The following FHIT variants were observed in gnomAD, a reference collection of about 807,000 sequenced individuals.
FHIT encodes fragile histidine triad diadenosine triphosphatase.
A neutral mutation model predicts 17.9 loss-of-function variants in FHIT; 19 were observed. That is an observed-to-expected ratio of 1.06 (90% CI 0.74 to 1.56). The LOEUF is 1.56. Among genes scored for constraint, FHIT ranks in the 40% most tolerant of loss-of-function variants. The pLI is 0.00. For synonymous variants in FHIT, 81 were observed against 69.7 expected (o/e 1.16, Z -0.81); for missense variants, 248 against 189.2 (o/e 1.31, Z -1.82).
chr3:59,841,273 G>T (rs1334813880), intron 8 of FHIT, among the ~76,000 whole-genome samples: 1 of 152,132 alleles, frequency 6.6e-6, no homozygotes, highest in African/African-American at 2.4e-5. Context: ...ATTGTGGTAG[G>T]CACAGATATG....
intron 3 of FHIT, among the ~76,000 whole-genome samples, chr3:60,952,097 C>T (rs541921108): frequency 1.3e-5 from 2 of 151,326 alleles, no homozygotes. Flanking sequence ...ACCTGGGAGG[C>T]AGAGGTTGGT....
chr3:59,897,772 CTTTTTTT>C (rs11401556), intron 8 of FHIT, among the ~76,000 whole-genome samples: 1 of 144,590 alleles, frequency 6.9e-6, no homozygotes, highest in African/African-American at 2.5e-5. Context: ...CTTTTTTTTT[CTTTTTTT>C]TTTTTGAGAG....
At chr3:60,724,327 G>T (rs1389764396) in intron 4 of FHIT, among the ~76,000 whole-genome samples, 1 of 152,032 alleles carries the variant, frequency 6.6e-6, no homozygotes, top group East Asian at 1.9e-4. Flanking sequence ...TATTTTTATT[G>T]CTGAATAATA....
chr3:61,077,296 T>C (rs2034999790), intron 2 of FHIT, among the ~76,000 whole-genome samples: 1 of 152,102 alleles, frequency 6.6e-6, no homozygotes, highest in Non-Finnish European at 1.5e-5. Flanking sequence ...ACAGGAGCTA[T>C]GGCTCAGGGT....
intron 4 of FHIT, among the ~76,000 whole-genome samples, chr3:60,728,587 C>T (rs557102128): frequency 1.3e-5 from 2 of 151,874 alleles, no homozygotes; most frequent in African/African-American, 2.4e-5. Context: ...TGTTTTGCGT[C>T]GTTTTTTTAA....
chr3:60,374,158 G>T (rs992976803), intron 5 of FHIT, among the ~76,000 whole-genome samples: 2 of 152,024 alleles, frequency 1.3e-5, no homozygotes, highest in Admixed American at 6.5e-5. Context: ...ATTAAGCCAA[G>T]AAATATTTCT....
intron 7 of FHIT, among the ~76,000 whole-genome samples, chr3:59,979,532 G>T (rs1295108320): frequency 6.6e-6 from 1 of 152,044 alleles, no homozygotes; most frequent in Admixed American, 6.6e-5. Context: ...AGAATCCCTT[G>T]GGGACATTTT....
intron 5 of FHIT, among the ~76,000 whole-genome samples, chr3:60,136,454 A>C (rs1699821114): frequency 6.6e-6 from 1 of 152,094 alleles, no homozygotes; most frequent in African/African-American, 2.4e-5. Context: ...CTTTACTACC[A>C]CTAGAAGACA....
intron 3 of FHIT, among the ~76,000 whole-genome samples, chr3:60,981,779 T>G (rs1361670499): frequency 3.5e-5 from 1 of 28,322 alleles, no homozygotes. Flanking sequence ...TGGCTATTTT[T>G]TTTTTAAGAG....
chr3:59,966,928 T>C (rs115029246), intron 7 of FHIT, among the ~76,000 whole-genome samples: 5 of 152,308 alleles, frequency 3.3e-5, no homozygotes, highest in African/African-American at 1.2e-4. Context: ...TCTTAACTTT[T>C]TGACTTTTGT....
chr3:60,093,712 C>G (rs1703824683), intron 5 of FHIT, among the ~76,000 whole-genome samples: 1 of 152,272 alleles, frequency 6.6e-6, no homozygotes, highest in South Asian at 2.1e-4. Context: ...CTATGAACTG[C>G]ACATGCGAAG....
intron 5 of FHIT, among the ~76,000 whole-genome samples, chr3:60,137,091 G>T (rs529209138): frequency 1.3e-5 from 2 of 152,302 alleles, no homozygotes; most frequent in East Asian, 3.9e-4. Context: ...TACACAGGTA[G>T]TAAGAACTAA....
intron 1 of FHIT, among the ~76,000 whole-genome samples, chr3:61,235,167 C>A (rs563374957): frequency 6.6e-6 from 1 of 152,272 alleles, no homozygotes; most frequent in East Asian, 1.9e-4. Flanking sequence ...AGCTATCAGG[C>A]AGGTCTGACC....
intron 8 of FHIT, among the ~76,000 whole-genome samples, chr3:59,876,840 T>C (rs1703185801): frequency 6.6e-6 from 1 of 152,192 alleles, no homozygotes; most frequent in Admixed American, 6.5e-5. Flanking sequence ...AACTTCTTCT[T>C]GGGAAGCTAA....
chr3:61,189,156 G>A (rs1035389803), intron 2 of FHIT, among the ~76,000 whole-genome samples: 15 of 152,178 alleles, frequency 9.9e-5, no homozygotes, highest in Non-Finnish European at 1.6e-4. Context: ...CCTGTTTGCC[G>A]ATGACATGAA....
intron 8 of FHIT, among the ~76,000 whole-genome samples, chr3:59,903,054 A>G (rs142095644): frequency 9.2e-4 from 140 of 152,350 alleles, no homozygotes; most frequent in African/African-American, 3.2e-3. Flanking sequence ...ATCACACAGT[A>G]TATCTTAAAT....
intron 7 of FHIT, among the ~76,000 whole-genome samples, chr3:59,932,594 G>C (rs909200066): frequency 6.6e-6 from 1 of 152,092 alleles, no homozygotes; most frequent in Admixed American, 6.6e-5. Context: ...TACCCACTTC[G>C]TTTAAAAGCC....
chr3:60,631,271 T>G (rs2039434637), intron 4 of FHIT, among the ~76,000 whole-genome samples: 1 of 152,188 alleles, frequency 6.6e-6, no homozygotes, highest in Non-Finnish European at 1.5e-5. Context: ...TGGGTTGTAC[T>G]AGGCTGGGGA....
intron 8 of FHIT, among the ~76,000 whole-genome samples, chr3:59,795,260 T>C (rs2106947435): frequency 6.6e-6 from 1 of 152,146 alleles, no homozygotes; most frequent in East Asian, 1.9e-4. Context: ...GGTGGGTGCC[T>C]GTAGTCCCAG....
Sources: gnomAD v4.1 joint callset for allele counts (sites outside exome capture counted in the v4.1 genomes callset) on GRCh38, gnomAD v4.1.1 for gene constraint, MANE v1.5 for transcripts, NCBI Gene and HGNC (gene_info 2026-07-23, HGNC 2026-07-21) for gene names.